Variants in GRAMD2B observed in about 807,000 individuals in gnomAD.
GRAMD2B encodes GRAM domain containing 2B.
GRAMD2B carries 41 observed loss-of-function variants against 59.2 expected under a neutral mutation model. That is an observed-to-expected ratio of 0.69 (90% CI 0.54 to 0.90). The LOEUF is 0.90. Ranked by LOEUF, GRAMD2B falls within the 40% of genes least tolerant of loss-of-function variation. The pLI, the probability that GRAMD2B is intolerant of heterozygous loss-of-function variation, is 0.00. For missense variants in GRAMD2B, 424 were observed against 500.5 expected, an observed-to-expected ratio of 0.85 and a Z score of 1.46; for synonymous variants, 161 against 182.7, an observed-to-expected ratio of 0.88 and a Z score of 0.96.
At chr5:126,422,668 A>G (rs1259975745), upstream of GRAMD2B, among the ~76,000 whole-genome samples, 7 of 152,368 alleles carry the variant, frequency 4.6e-5, no homozygotes, top group East Asian at 1.3e-3. Context: ...AGTTTGTTCA[A>G]TGAATGAATG....
intron 1 of GRAMD2B, among the ~76,000 whole-genome samples, chr5:126,409,549 T>G (rs1758575676): frequency 6.6e-6 from 1 of 152,206 alleles, no homozygotes; most frequent in Non-Finnish European, 1.5e-5. Context: ...GTTTTTTTCT[T>G]GTAAATTTGT....
chr5:126,394,211 C>T (rs1055141145), intron 1 of GRAMD2B, among the ~76,000 whole-genome samples: 1 of 151,334 alleles, frequency 6.6e-6, no homozygotes, highest in Non-Finnish European at 1.5e-5. Flanking sequence ...GGAGGCAGAG[C>T]TTGCAGTGAG....
Position 126,469,733 on chromosome 5 carries a change from C to T in GRAMD2B, c.260C>T (p.Thr87Ile), listed in dbSNP as rs1421955537. Residue 87 changes from threonine to isoleucine, a missense_variant, in exon 3 of 14, where the codon ACA (threonine) becomes ATA (isoleucine). Coordinates refer to ENST00000285689, the MANE Select transcript of GRAMD2B (RefSeq NM_023927.4). ...SLASDKNDCKTESKNDPKTER... is the reference protein window; with the variant it reads ...SLASDKNDCKIESKNDPKTER... ...GCAAGTGATAAGAACGACTGTAAAA[C>T]AGAAAGCAAAAATGACCCTAAGACT... is the stretch of plus-strand genomic sequence containing the variant. 1 of 1,613,768 alleles carries T rather than the reference C, an allele frequency of 6.2e-7. No homozygotes were observed. Among genetic ancestry groups the T allele is most frequent in the African/African-American group, 1.3e-5 (1 of 74,890 alleles).
In GRAMD2B at chr5:126,389,740, G is replaced by A. The variant is rs575501425; in HGVS notation, c.125+18173G>A. On this transcript the variant is annotated intron_variant, in intron 1 of 8. Coordinates refer to the GRAMD2B transcript ENST00000506445. ...AGGTGGGTGGATCACCTGAAGTCAG[G>A]AGTTCAAGACCAGCCTGGCCAACAT... Among the ~76,000 whole-genome samples, 306 of 152,240 alleles carry A rather than the reference G, an allele frequency of 2.0e-3. 2 individuals carry two copies. Among genetic ancestry groups the A allele is most frequent in the Non-Finnish European group, 3.1e-3 (213 of 68,014 alleles).
chr5:126,475,183 G>C (rs1436850892), intron 5 of GRAMD2B, among the ~76,000 whole-genome samples: 1 of 152,152 alleles, frequency 6.6e-6, no homozygotes, highest in Non-Finnish European at 1.5e-5. Context: ...CAGCCTGTCG[G>C]TATTTTCAGA....
intron 1 of GRAMD2B, among the ~76,000 whole-genome samples, chr5:126,401,293 TTTATTATTTCTA>T (rs1469149046): frequency 1.3e-5 from 2 of 152,176 alleles, no homozygotes; most frequent in East Asian, 3.9e-4. Context: ...TTGGTTCTTT[TTTATTATTTCTA>T]TCTTGCTGTT....
intron 1 of GRAMD2B, among the ~76,000 whole-genome samples, chr5:126,464,578 C>A (rs1299687380): frequency 6.6e-6 from 1 of 152,162 alleles, no homozygotes; most frequent in African/African-American, 2.4e-5. Context: ...ACTCACCTTC[C>A]CCTCTACTCC....
At chr5:126,461,762 T>A (rs1206382409) in intron 1 of GRAMD2B, among the ~76,000 whole-genome samples, 3 of 152,102 alleles carry the variant, frequency 2.0e-5, no homozygotes, top group Non-Finnish European at 4.4e-5. Context: ...ATCACGCCAT[T>A]GCACTCCAGC....
intron 1 of GRAMD2B, among the ~76,000 whole-genome samples, chr5:126,447,875 TAAA>T (rs751327191): frequency 5.9e-4 from 76 of 129,792 alleles, no homozygotes; most frequent in African/African-American, 2.6e-3. Context: ...TTTTTTTTTT[TAAA>T]AAATAGTCTC....
chr5:126,431,304 C>T (rs1206555449), intron 1 of GRAMD2B, among the ~76,000 whole-genome samples: 1 of 152,162 alleles, frequency 6.6e-6, no homozygotes, highest in Non-Finnish European at 1.5e-5. Context: ...CATAGGAGAG[C>T]TCAGTAAATG....
At chr5:126,444,493 T>C (rs10060546) in intron 1 of GRAMD2B, among the ~76,000 whole-genome samples, 19,233 of 152,244 alleles carry the variant, frequency 0.13, 2,508 homozygotes, top group African/African-American at 0.34. Context: ...AGGTGCCCTT[T>C]GAAGTATATG....
intron 1 of GRAMD2B, among the ~76,000 whole-genome samples, chr5:126,409,882 G>C (rs1426248761): frequency 5.9e-5 from 9 of 151,848 alleles, no homozygotes; most frequent in Non-Finnish European, 1.3e-4. Flanking sequence ...GTAAGGGAGG[G>C]ATCCAGTTTC....
intron 1 of GRAMD2B, among the ~76,000 whole-genome samples, chr5:126,441,612 C>T (rs1350723761): frequency 6.6e-6 from 1 of 152,160 alleles, no homozygotes; most frequent in East Asian, 1.9e-4. Flanking sequence ...TTGATCATGC[C>T]ATACAAGGGA....
At chr5:126,486,052 T>A (rs1165389807) in intron 11 of GRAMD2B, among the ~76,000 whole-genome samples, 2 of 152,028 alleles carry the variant, frequency 1.3e-5, no homozygotes, top group East Asian at 1.9e-4. Context: ...ACCCTTGTTA[T>A]TTTTTTTACC....
intron 1 of GRAMD2B, among the ~76,000 whole-genome samples, chr5:126,442,538 C>T (rs574662918): frequency 2.2e-4 from 34 of 152,228 alleles, no homozygotes; most frequent in African/African-American, 7.7e-4. Flanking sequence ...ATGATCCACC[C>T]GCCTTGGCCT....
intron 1 of GRAMD2B, among the ~76,000 whole-genome samples, chr5:126,447,401 G>A (rs564932736): frequency 2.0e-5 from 3 of 152,146 alleles, no homozygotes; most frequent in East Asian, 1.9e-4. Context: ...AGTGGCTCAC[G>A]CCTGTAATCC....
upstream of GRAMD2B, chr5:126,423,382 C>G (rs547935460): frequency 2.1e-5 from 28 of 1,341,078 alleles, no homozygotes; most frequent in Non-Finnish European, 2.6e-5. Flanking sequence ...TTCCCTCCCT[C>G]TCGGCTTTTC....
At chr5:126,372,675 T>A (rs763580540) in intron 1 of GRAMD2B, among the ~76,000 whole-genome samples, 1 of 152,178 alleles carries the variant, frequency 6.6e-6, no homozygotes, top group Non-Finnish European at 1.5e-5. Flanking sequence ...CTATCTTACT[T>A]GTATTAGTAG....
intron 9 of GRAMD2B, 73 bp from the exon 10 acceptor site, chr5:126,484,329 T>G: frequency 6.6e-7 from 1 of 1,517,264 alleles, no homozygotes; most frequent in South Asian, 1.3e-5. Context: ...AAGGGATTGA[T>G]TTACTTGGAG....
Sources: gnomAD v4.1 joint callset for allele counts (sites outside exome capture counted in the v4.1 genomes callset) on GRCh38, gnomAD v4.1.1 for gene constraint, MANE v1.5 for transcripts, NCBI Gene and HGNC (gene_info 2026-07-23, HGNC 2026-07-21) for gene names.